The following NRXN1 variants were observed in gnomAD, a reference collection of about 807,000 sequenced individuals.
NRXN1 encodes neurexin-1.
NRXN1 carries 39 observed loss-of-function variants against 150.9 expected under a neutral mutation model. The observed-to-expected ratio is 0.26, with a 90% CI of 0.20 to 0.34. The LOEUF is 0.34. NRXN1 is among the 10% of genes least tolerant of loss of function. The probability of loss-of-function intolerance (pLI) is 1.00; values close to 1 mark genes in which losing one functional copy is unlikely to be tolerated. For missense variants in NRXN1, 1,815 were observed against 1,949.9 expected, an observed-to-expected ratio of 0.93 and a Z score of 1.30; for synonymous variants, 924 against 757.0, an observed-to-expected ratio of 1.22 and a Z score of -3.62.
intron 18 of NRXN1, among the ~76,000 whole-genome samples, chr2:50,196,943 G>C (rs13001092): frequency 2.6e-5 from 4 of 152,128 alleles, no homozygotes; most frequent in African/African-American, 7.2e-5. Flanking sequence ...GGAGAAAAAA[G>C]ACAACTGTCG....
At chr2:50,749,244 C>A (rs999988567) in intron 5 of NRXN1, among the ~76,000 whole-genome samples, 2 of 152,076 alleles carry the variant, frequency 1.3e-5, no homozygotes, top group African/African-American at 4.8e-5. Context: ...AAAGATGCAG[C>A]AAGCTGCCTC....
Position 51,027,674 on chromosome 2 carries a change from G to A in NRXN1, c.600C>T (p.Gly200=), listed in dbSNP as rs201481698. The A allele has an allele frequency of 1.7e-4, 277 of 1,603,114 alleles. 4 individuals carry two copies. The East Asian group carries it at 6.1e-3, about 35-fold the overall frequency. The part of the protein sequence containing the change: ...NSSQVLPVDS[G]EVKLDDEPPN... ...GCGGCTCATCGTCCAGCTTCACCTC[G>A]CCGCTGTCCACGGGCAGGACCTGCG... Residue 200 remains glycine, a synonymous_variant, in exon 2 of 23, where the codon GGC becomes GGT. Coordinates refer to ENST00000401669, the MANE Select transcript of NRXN1 (RefSeq NM_001330078.2).
At chr2:50,103,597 T>C (rs2152713807) in intron 18 of NRXN1, among the ~76,000 whole-genome samples, 1 of 152,092 alleles carries the variant, frequency 6.6e-6, no homozygotes, top group East Asian at 1.9e-4. Context: ...AAATGAGCAT[T>C]TGCCCTGAAA....
intron 5 of NRXN1, among the ~76,000 whole-genome samples, chr2:50,849,735 G>T (rs994606005): frequency 6.6e-6 from 1 of 152,072 alleles, no homozygotes; most frequent in African/African-American, 2.4e-5. Flanking sequence ...TTTCCTGTGT[G>T]CTATCTTTCT....
At chr2:50,136,817 A>G (rs1034243397) in intron 18 of NRXN1, among the ~76,000 whole-genome samples, 9 of 152,232 alleles carry the variant, frequency 5.9e-5, no homozygotes, top group Non-Finnish European at 1.0e-4. Flanking sequence ...AATTAATAAG[A>G]TGAGAAACTT....
At chr2:50,605,315 C>A (rs966448598) in intron 8 of NRXN1, among the ~76,000 whole-genome samples, 4 of 152,082 alleles carry the variant, frequency 2.6e-5, no homozygotes, top group African/African-American at 4.8e-5. Context: ...TGTGAATTAT[C>A]CATATTTGTA....
At chr2:50,527,331 T>C (rs1434965636) in intron 12 of NRXN1, among the ~76,000 whole-genome samples, 1 of 152,172 alleles carries the variant, frequency 6.6e-6, no homozygotes, top group Non-Finnish European at 1.5e-5. Context: ...ATGTGCAAAA[T>C]GTATATCCTT....
At chr2:50,894,178 A>G (rs528484595) in intron 5 of NRXN1, among the ~76,000 whole-genome samples, 1 of 151,908 alleles carries the variant, frequency 6.6e-6, no homozygotes, top group East Asian at 1.9e-4. Flanking sequence ...AGCATGGCAC[A>G]TGTATACATA....
intron 5 of NRXN1, among the ~76,000 whole-genome samples, chr2:50,704,092 G>A (rs914783367): frequency 2.6e-5 from 4 of 151,944 alleles, no homozygotes; most frequent in African/African-American, 9.7e-5. Context: ...AAATTTTCTA[G>A]GTATGGAAAT....
At chr2:50,354,198 T>C (rs1307111654) in intron 17 of NRXN1, among the ~76,000 whole-genome samples, 1 of 152,122 alleles carries the variant, frequency 6.6e-6, no homozygotes, top group Non-Finnish European at 1.5e-5. Flanking sequence ...TAAACCTATT[T>C]GTTCTCATCT....
intron 2 of NRXN1, among the ~76,000 whole-genome samples, chr2:51,009,074 A>G (rs545047257): frequency 3.3e-5 from 5 of 152,098 alleles, no homozygotes; most frequent in Admixed American, 1.3e-4. Flanking sequence ...GAGTTGGCAT[A>G]TAACATGGAT....
At chr2:50,747,225 C>T (rs1438034583) in intron 5 of NRXN1, among the ~76,000 whole-genome samples, 1 of 152,116 alleles carries the variant, frequency 6.6e-6, no homozygotes, top group African/African-American at 2.4e-5. Context: ...CCACTCAAAC[C>T]ACTGACCTCT....
At chr2:50,907,553 A>G (rs1286277493) in intron 5 of NRXN1, among the ~76,000 whole-genome samples, 1 of 152,032 alleles carries the variant, frequency 6.6e-6, no homozygotes, top group African/African-American at 2.4e-5. Context: ...TAATCAGCTG[A>G]CCTAACTATA....
At chr2:50,078,945 T>A (rs964177315) in intron 19 of NRXN1, among the ~76,000 whole-genome samples, 1 of 152,090 alleles carries the variant, frequency 6.6e-6, no homozygotes, top group African/African-American at 2.4e-5. Flanking sequence ...TATTTTGGTA[T>A]CTATTAGGGA....
intron 8 of NRXN1, among the ~76,000 whole-genome samples, chr2:50,555,253 C>G (rs1342050958): frequency 6.6e-6 from 1 of 152,050 alleles, no homozygotes; most frequent in Non-Finnish European, 1.5e-5. Flanking sequence ...TATAATAGAA[C>G]CACTGTAAAA....
chr2:50,296,043 G>A (rs1172411775), intron 17 of NRXN1, among the ~76,000 whole-genome samples: 1 of 152,190 alleles, frequency 6.6e-6, no homozygotes, highest in Non-Finnish European at 1.5e-5. Context: ...CTCCAGATGT[G>A]CAGACTAGGT....
chr2:50,198,367 A>T (rs534175563), intron 18 of NRXN1, among the ~76,000 whole-genome samples: 14 of 152,236 alleles, frequency 9.2e-5, no homozygotes, highest in East Asian at 5.8e-4. Flanking sequence ...GCTAGCCATG[A>T]TCCCATGTAG....
At chr2:50,947,573 G>C (rs367710025) in intron 2 of NRXN1, among the ~76,000 whole-genome samples, 50 of 151,790 alleles carry the variant, frequency 3.3e-4, no homozygotes, top group Admixed American at 1.3e-3. Context: ...ACAGACACTA[G>C]ATACATAAAA....
chr2:50,755,005 T>C (rs560222760), intron 5 of NRXN1, among the ~76,000 whole-genome samples: 58 of 151,952 alleles, frequency 3.8e-4, no homozygotes, highest in African/African-American at 1.2e-3. Flanking sequence ...GTATCTCCCA[T>C]TGATGTAGAT....
Sources: allele counts gnomAD v4.1 joint callset (sites outside exome capture counted in the v4.1 genomes callset), GRCh38; gene constraint gnomAD v4.1.1; transcripts MANE v1.5; gene names NCBI Gene and HGNC (gene_info 2026-07-23, HGNC 2026-07-21).